Variants in ZNF83 observed in about 807,000 individuals in gnomAD.
The protein encoded by ZNF83 is zinc finger protein 816B.
For missense variants in ZNF83, 552 were observed against 629.9 expected, an observed-to-expected ratio of 0.88 and a Z score of 1.32; for synonymous variants, 209 against 213.0, an observed-to-expected ratio of 0.98 and a Z score of 0.17.
chr19:52,624,492 G>T (rs1481009849), intron 2 of ZNF83, among the ~76,000 whole-genome samples: 5 of 152,138 alleles, frequency 3.3e-5, no homozygotes, highest in African/African-American at 4.8e-5. Flanking sequence ...CAAAACCATT[G>T]TATCAACTCA....
intron 1 of ZNF83, among the ~76,000 whole-genome samples, chr19:52,665,377 T>C (rs752652390): frequency 4.6e-5 from 7 of 151,738 alleles, no homozygotes; most frequent in Non-Finnish European, 1.0e-4. Context: ...AGTAAGACCC[T>C]CTACCCCAGA....
At chr19:52,624,626 C>CA (rs1293964307) in intron 2 of ZNF83, among the ~76,000 whole-genome samples, 4 of 152,180 alleles carry the variant, frequency 2.6e-5, no homozygotes, top group African/African-American at 9.7e-5. Flanking sequence ...CAACCCTTTT[C>CA]ACTACACACA....
At chr19:52,616,291 G>A (rs1451348494) in intron 2 of ZNF83, among the ~76,000 whole-genome samples, 1 of 152,192 alleles carries the variant, frequency 6.6e-6, no homozygotes, top group Non-Finnish European at 1.5e-5. Context: ...AGTAAGTGAG[G>A]TCAATGGGAT....
At chr19:52,643,414 A>C (rs886710901) in intron 3 of ZNF83, among the ~76,000 whole-genome samples, 2 of 151,368 alleles carry the variant, frequency 1.3e-5, no homozygotes, top group African/African-American at 2.4e-5. Context: ...AAAAATCCTG[A>C]GCAACTGTCG....
At chr19:52,654,771 G>A (rs1296798455) in intron 3 of ZNF83, 2 of 156,044 alleles carry the variant, frequency 1.3e-5, no homozygotes, top group African/African-American at 4.8e-5. Flanking sequence ...CCTGAATGAT[G>A]TCCTCCCTAA....
Position 52,654,011 on chromosome 19 carries a change from T to C in ZNF83, c.-74+1550A>G, listed in dbSNP as rs1394210342. 4.6e-6 allele frequency: 7 copies of C among 1,538,020 alleles called. No homozygotes were observed. The African/African-American group carries it at 6.8e-5, about 15-fold the overall frequency. On this transcript the variant is annotated intron_variant, in intron 3 of 5. Transcript: ENST00000594682. ...TGGGTTTTGAGCCTACAAGAAATTC[T>C]TTGGGATGTTGAAACCAAGGAAGCA...
chr19:52,647,046 A>G (rs2147239049), intron 3 of ZNF83, among the ~76,000 whole-genome samples: 1 of 152,226 alleles, frequency 6.6e-6, no homozygotes. Context: ...GCACCTTAAT[A>G]AAACTCCTAT....
chr19:52,671,634 G>A (rs1212140474), intron 1 of ZNF83, among the ~76,000 whole-genome samples: 2 of 152,006 alleles, frequency 1.3e-5, no homozygotes, highest in Non-Finnish European at 2.9e-5. Context: ...GTAGAGGGGT[G>A]GTCCCACTAT....
intron 1 of ZNF83, among the ~76,000 whole-genome samples, chr19:52,676,490 C>T (rs923213661): frequency 1.7e-4 from 26 of 151,580 alleles, no homozygotes; most frequent in Middle Eastern, 3.4e-3. Context: ...CCTCCCCGTC[C>T]GGGAGGGAGG....
Position 52,624,354 on chromosome 19 carries a change from T to G in ZNF83, c.-233-9557A>C, listed in dbSNP as rs2868497. ...GCATAATTCTTCATGAAAACATGCA[T>G]GCTATCCCTGCCAACTGTGTCCAGC... On this transcript the variant is annotated intron_variant, in intron 2 of 2. Coordinates refer to ENST00000301096, the Ensembl canonical transcript of ZNF83. 3.0e-3 allele frequency among the ~76,000 whole-genome samples: 458 copies of G among 152,136 alleles called. 1 individual carries two copies. Among genetic ancestry groups the G allele is most frequent in the Non-Finnish European group, 5.3e-3 (358 of 67,986 alleles).
chr19:52,637,943 G>A (rs1229448516), intron 1 of ZNF83, among the ~76,000 whole-genome samples: 1 of 152,198 alleles, frequency 6.6e-6, no homozygotes, highest in Non-Finnish European at 1.5e-5. Context: ...CTGGGACTGG[G>A]GCCCTGGCGC....
At chr19:52,673,520 A>AC in intron 1 of ZNF83, among the ~76,000 whole-genome samples, 1 of 151,724 alleles carries the variant, frequency 6.6e-6, no homozygotes, top group Non-Finnish European at 1.5e-5. Flanking sequence ...ACACACACAC[A>AC]AAATGCTATA....
chr19:52,689,609 C>G (rs925804873), intron 1 of ZNF83, among the ~76,000 whole-genome samples: 4 of 152,156 alleles, frequency 2.6e-5, no homozygotes, highest in African/African-American at 7.2e-5. Flanking sequence ...CATTTCTGCA[C>G]TTGCTTTTCT....
chr19:52,662,362 TC>T (rs1434650141), intron 1 of ZNF83, among the ~76,000 whole-genome samples: 1 of 152,064 alleles, frequency 6.6e-6, no homozygotes, highest in African/African-American at 2.4e-5. Flanking sequence ...CTGTTTAATA[TC>T]CCAGCAGAGA....
At chr19:52,629,180 A>G (rs2060857883) in intron 2 of ZNF83, among the ~76,000 whole-genome samples, 1 of 152,152 alleles carries the variant, frequency 6.6e-6, no homozygotes, top group Admixed American at 6.5e-5. Flanking sequence ...AGTAGTTCCA[A>G]ATAGCCAGAA....
At chr19:52,684,132 G>T (rs1280597918) in intron 1 of ZNF83, among the ~76,000 whole-genome samples, 1 of 152,092 alleles carries the variant, frequency 6.6e-6, no homozygotes, top group Non-Finnish European at 1.5e-5. Context: ...ACTCTGGGAG[G>T]CCGAGGCTGG....
chr19:52,639,006 A>G (rs1346578027), upstream of ZNF83, among the ~76,000 whole-genome samples: 1 of 152,112 alleles, frequency 6.6e-6, no homozygotes, highest in Non-Finnish European at 1.5e-5. Flanking sequence ...TTTATAATAA[A>G]ATTTTTGATG....
chr19:52,657,307 A>G (rs2061519302), intron 2 of ZNF83, among the ~76,000 whole-genome samples: 1 of 152,168 alleles, frequency 6.6e-6, no homozygotes, highest in Non-Finnish European at 1.5e-5. Context: ...ATCAGAATAC[A>G]TTATGTAAAT....
intron 2 of ZNF83, among the ~76,000 whole-genome samples, chr19:52,619,285 T>C (rs2060444326): frequency 6.6e-6 from 1 of 152,166 alleles, no homozygotes; most frequent in African/African-American, 2.4e-5. Context: ...TTGTGAAGAA[T>C]ACAAGAAACA....
Sources: allele counts gnomAD v4.1 joint callset (sites outside exome capture counted in the v4.1 genomes callset), GRCh38; gene constraint gnomAD v4.1.1; transcripts MANE v1.5; gene names NCBI Gene and HGNC (gene_info 2026-07-23, HGNC 2026-07-21).